GKN2: variants seen among roughly 807,000 people sequenced by gnomAD.
The protein encoded by GKN2 is gastrokine 2.
GKN2 carries 17 observed loss-of-function variants against 22.7 expected under a neutral mutation model. The ratio of observed to expected loss-of-function variants is 0.75; its 90% CI spans 0.51 to 1.13. The LOEUF is 1.13. Among genes scored for constraint, GKN2 ranks in the 50% most tolerant of loss-of-function variants. GKN2 has a pLI of 0.00. For synonymous variants in GKN2, 82 were observed against 79.6 expected, an observed-to-expected ratio of 1.03 and a Z score of -0.16; for missense variants, 248 against 221.4, an observed-to-expected ratio of 1.12 and a Z score of -0.76.
intron 1 of GKN2, among the ~76,000 whole-genome samples, chr2:68,951,546 C>T (rs915866477): frequency 6.6e-6 from 1 of 152,188 alleles, no homozygotes; most frequent in Non-Finnish European, 1.5e-5. Flanking sequence ...TTGAAAACTG[C>T]TGATGAAAGG....
intron 1 of GKN2, 71 bp from the exon 2 acceptor site, chr2:68,950,826 G>C (rs1190847165): frequency 6.1e-6 from 9 of 1,468,130 alleles, no homozygotes; most frequent in African/African-American, 1.4e-5. Flanking sequence ...GGAAACACTG[G>C]ACAGGAAAGG....
intron 1 of GKN2, among the ~76,000 whole-genome samples, chr2:68,952,050 T>G (rs1669862263): frequency 6.6e-6 from 1 of 152,182 alleles, no homozygotes; most frequent in Non-Finnish European, 1.5e-5. Flanking sequence ...TGAATGAGAA[T>G]AAAGGACAGA....
chr2:68,947,574 TTTA>T (rs1005534319), intron 3 of GKN2, among the ~76,000 whole-genome samples: 1 of 152,054 alleles, frequency 6.6e-6, no homozygotes, highest in African/African-American at 2.4e-5. Flanking sequence ...TTTCCATTAT[TTTA>T]TTATTATTAT....
chr2:68,945,907 G>C, intron 5 of GKN2: 2 of 254,948 alleles, frequency 7.8e-6, no homozygotes, highest in Non-Finnish European at 1.5e-5. Flanking sequence ...TTCTATTCTA[G>C]ATCCTGAGAG....
At chr2:68,952,742 C>T (rs1669876541) in intron 1 of GKN2, 108 bp downstream of exon 1, 2 of 1,027,682 alleles carry the variant, frequency 1.9e-6, no homozygotes, top group African/African-American at 1.6e-5. Context: ...AGCTTAGAAG[C>T]ATGCACAGTA....
At chr2:68,948,417 T>C (rs778557426) in intron 3 of GKN2, among the ~76,000 whole-genome samples, 33 of 152,146 alleles carry the variant, frequency 2.2e-4, no homozygotes, top group Non-Finnish European at 4.0e-4. Flanking sequence ...GAAATTCAAA[T>C]CTAGAACACT....
At position 68,946,373 on chromosome 2, in the gene GKN2, G is replaced by T. The variant is rs1669765504; in HGVS notation, c.403C>A (p.Leu135Ile). ...CAGAGTTTCTCAATGGGTGACCCAA[G>T]CAGGAACCAATCCACGTCTTTGATC... ...SLIKDVDWFL[L>I]GSPIEKLCKH... is the part of the protein sequence containing the mutation. The change falls in exon 5 of 6, where the codon CTT (leucine) becomes ATT (isoleucine). Residue 135 changes from leucine to isoleucine, a missense_variant. Physicochemically the swap from Leu to Ile is conservative, Grantham distance 5. Coordinates refer to ENST00000328895, the MANE Select transcript of GKN2 (RefSeq NM_182536.3). 2 of 1,614,038 alleles carry T rather than the reference G, an allele frequency of 1.2e-6. No individual in the cohort carries two copies. The highest frequency in any genetic ancestry group is 1.7e-6 in the Non-Finnish European group (2 of 1,179,986).
rs750349026 is a variant in GKN2 at position 68,947,149 on chromosome 2, G to C, written c.313C>G (p.Gln105Glu). 9.4e-6 allele frequency: 15 copies of C among 1,593,184 alleles called. No individual in the cohort carries two copies. The highest frequency in any genetic ancestry group is 6.7e-5 in the Admixed American group (4 of 59,980). ...NNLQWYIYEKQALDNMFSSKY... is the reference protein window; with the variant it reads ...NNLQWYIYEKEALDNMFSSKY... The stretch of plus-strand genomic sequence containing the variant: ...ACTCAAGAGTGCCCCAGAATTACCT[G>C]TTTCTCATAGATGTACCATTGGAGA... Residue 105 changes from glutamine (Q) to glutamate (E), a missense_variant and splice_region_variant, in exon 4 of 6, where the codon CAG becomes GAG. Gln to Glu is a conservative substitution (Grantham distance 29). Transcript: ENST00000328895.
chr2:68,948,011 C>T (rs547824136), intron 3 of GKN2, among the ~76,000 whole-genome samples: 5 of 151,764 alleles, frequency 3.3e-5, no homozygotes, highest in Non-Finnish European at 5.9e-5. Context: ...TTTGGGAGGC[C>T]GAGAAGGGCA....
rs772422123 is a variant in GKN2, at chr2:68,946,468, G to A, written c.316-8C>T. ...GAACATGTTGTCCAGAGCCTAGATC[G>A]GTATAACAGAAAAGAACAACATAAA... On this transcript the variant is annotated splice_polypyrimidine_tract_variant and splice_region_variant and intron_variant, in intron 4 of 5. Transcript: ENST00000328895. 2.4e-5 allele frequency: 37 copies of A among 1,566,538 alleles called. No individual in the cohort carries two copies. In the Middle Eastern group the frequency reaches 5.1e-4, roughly 22 times the overall value.
At chr2:68,948,795 A>T (rs1669811159) in intron 3 of GKN2, among the ~76,000 whole-genome samples, 1 of 152,244 alleles carries the variant, frequency 6.6e-6, no homozygotes, top group South Asian at 2.1e-4. Context: ...CAATTCTCAC[A>T]AATTGTCAGT....
chr2:68,951,765 T>C (rs1217998963), intron 1 of GKN2, among the ~76,000 whole-genome samples: 1 of 152,226 alleles, frequency 6.6e-6, no homozygotes, highest in Non-Finnish European at 1.5e-5. Context: ...ATATTCTAGT[T>C]AATGAGTCTA....
In GKN2 at chr2:68,950,681, GTCCATAAGGAACCAAC is replaced by G; in HGVS notation, c.66+5_66+20del. 6.2e-7 allele frequency: 1 copy of G among 1,609,994 alleles called. No individual in the cohort carries two copies. Among genetic ancestry groups the G allele is most frequent in the Non-Finnish European group, 8.5e-7 (1 of 1,176,260 alleles). On this transcript the variant is annotated splice_donor_5th_base_variant and intron_variant, in intron 2 of 5. Coordinates refer to ENST00000328895, the MANE Select transcript of GKN2 (RefSeq NM_182536.3). Reference sequence around the variant, plus strand: ...TCTCCCAACATCTCTAAGAGATAAAGTCCATAAGGAACCAACTCACCTCGTATCCATGAGATTGTAT... The same window carrying G: ...TCTCCCAACATCTCTAAGAGATAAAGTCACCTCGTATCCATGAGATTGTAT...
intron 3 of GKN2, among the ~76,000 whole-genome samples, chr2:68,948,255 AC>A (rs796294830): frequency 1.8e-4 from 9 of 49,436 alleles, no homozygotes; most frequent in African/African-American, 7.3e-4. Flanking sequence ...AAAAAAAAAA[AC>A]AAAAAAAAAA....
chr2:68,951,392 T>C (rs62133345), intron 1 of GKN2, among the ~76,000 whole-genome samples: 7,156 of 152,296 alleles, frequency 0.047, 180 homozygotes, highest in Non-Finnish European at 0.052. Flanking sequence ...TGAGCTGACA[T>C]TGAAGCAGTT....
chr2:68,952,794 G>A lies in GKN2; in HGVS notation c.12+56C>T, dbSNP rs910169622. On this transcript the variant is annotated intron_variant, in intron 1 of 5. Coordinates refer to ENST00000328895, the MANE Select transcript of GKN2 (RefSeq NM_182536.3). ...AAAATCCATGGCATATTAGATATGA[G>A]CATTGTCTGCAAGCAGTCACCACAA... 17 of 1,588,228 alleles carry A rather than the reference G, an allele frequency of 1.1e-5. No individual in the cohort carries two copies. In the African/African-American group the frequency reaches 1.9e-4, roughly 18 times the overall value.
chr2:68,951,496 G>A (rs993706167), intron 1 of GKN2, among the ~76,000 whole-genome samples: 3 of 152,168 alleles, frequency 2.0e-5, no homozygotes, highest in East Asian at 1.9e-4. Flanking sequence ...CTGTACTATC[G>A]CTGAAAACTA....
At chr2:68,950,784 T>C (rs1290029746) in intron 1 of GKN2, 29 bp from the exon 2 acceptor site, 1 of 1,611,712 alleles carries the variant, frequency 6.2e-7, no homozygotes, top group Non-Finnish European at 8.5e-7. Context: ...ACATCCATTC[T>C]TTATAGGGTA....
chr2:68,951,489 T>C (rs75209508), intron 1 of GKN2, among the ~76,000 whole-genome samples: 8,361 of 152,326 alleles, frequency 0.055, 287 homozygotes, highest in Middle Eastern at 0.14. Context: ...CAGTGAACTG[T>C]ACTATCGCTG....
Sources: allele counts gnomAD v4.1 joint callset (sites outside exome capture counted in the v4.1 genomes callset), GRCh38; gene constraint gnomAD v4.1.1; transcripts MANE v1.5; gene names NCBI Gene and HGNC (gene_info 2026-07-23, HGNC 2026-07-21).